The following AKIRIN2 variants were observed in gnomAD, a reference collection of about 807,000 sequenced individuals.
AKIRIN2 encodes the protein akirin 2.
Under a neutral mutation model 29.3 loss-of-function variants are expected in AKIRIN2, and 6 were observed. The observed-to-expected ratio is 0.20, with a 90% CI of 0.11 to 0.40. The LOEUF (loss-of-function observed/expected upper bound fraction) is 0.40. Among genes scored for constraint, AKIRIN2 ranks in the 10% least tolerant of loss-of-function variants. AKIRIN2 has a pLI of 1.00. For missense variants in AKIRIN2, 210 were observed against 276.1 expected (o/e 0.76, Z 1.70); for synonymous variants, 128 against 117.5 (o/e 1.09, Z -0.58).
intron 1 of AKIRIN2, among the ~76,000 whole-genome samples, chr6:87,686,556 C>T (rs76808473): frequency 0.034 from 5,172 of 152,024 alleles, 295 homozygotes; most frequent in African/African-American, 0.12. Context: ...TCCAGACCCA[C>T]AAAGCTTTAC....
intron 1 of AKIRIN2, among the ~76,000 whole-genome samples, chr6:87,687,888 AAGGCCG>A (rs1180467034): frequency 1.3e-5 from 2 of 152,218 alleles, no homozygotes; most frequent in Admixed American, 6.5e-5. Flanking sequence ...TGGCTCATGC[AAGGCCG>A]AGGCAGGAGG....
chr6:87,687,439 CAAAAA>C (rs201472497), intron 1 of AKIRIN2, among the ~76,000 whole-genome samples: 15,738 of 109,138 alleles, frequency 0.14, 1,184 homozygotes, highest in African/African-American at 0.24. Context: ...AATTCCGTTT[CAAAAA>C]AAAAAAAAAA....
intron 1 of AKIRIN2, among the ~76,000 whole-genome samples, chr6:87,690,085 A>C (rs148408037): frequency 0.034 from 5,168 of 151,958 alleles, 291 homozygotes; most frequent in African/African-American, 0.12. Context: ...TGGTGGCAGG[A>C]GCCTGTAATC....
intron 1 of AKIRIN2, 64 bp downstream of exon 1, chr6:87,701,386 A>C: frequency 6.8e-7 from 1 of 1,476,104 alleles, no homozygotes; most frequent in East Asian, 2.8e-5. Flanking sequence ...GCCGCATCCC[A>C]CACCCCAGGA....
intron 1 of AKIRIN2, among the ~76,000 whole-genome samples, chr6:87,690,262 A>T (rs1771258432): frequency 1.3e-5 from 2 of 152,116 alleles, no homozygotes; most frequent in African/African-American, 4.8e-5. Context: ...AACATTTTTT[A>T]AAAAGTGGTT....
At chr6:87,687,605 A>C (rs955073396) in intron 1 of AKIRIN2, among the ~76,000 whole-genome samples, 2 of 152,204 alleles carry the variant, frequency 1.3e-5, no homozygotes, top group African/African-American at 4.8e-5. Flanking sequence ...TGGACTATAA[A>C]GAATGAGCTG....
At chr6:87,698,373 TAAA>T (rs1318677681) in intron 1 of AKIRIN2, among the ~76,000 whole-genome samples, 1 of 136,232 alleles carries the variant, frequency 7.3e-6, no homozygotes. Context: ...GAACAATACT[TAAA>T]AAAAAAAAAA....
chr6:87,678,433 C>T (rs1187517498), intron 2 of AKIRIN2, among the ~76,000 whole-genome samples: 2 of 151,648 alleles, frequency 1.3e-5, no homozygotes, highest in Non-Finnish European at 2.9e-5. Flanking sequence ...ACCCGGGAGG[C>T]GGAGGTTTCA....
Position 87,701,943 on chromosome 6 carries a change from A to T in AKIRIN2, c.-259T>A. 2.5e-6 allele frequency: 1 copy of T among 405,396 alleles called. No homozygotes were observed. The highest frequency in any genetic ancestry group is 4.4e-6 in the Non-Finnish European group (1 of 229,632). The allele number at this position is 405,396 out of a possible 1,614,324, so 25.1% of individuals were successfully genotyped here. On this transcript the variant is annotated 5_prime_UTR_variant, in exon 1 of 5. Transcript: ENST00000257787. ...GGCAGAAGCACACGCCAGTCGCGTC[A>T]GGGGGGTTCTTCCGCCTCCTCAGGC...
intron 1 of AKIRIN2, among the ~76,000 whole-genome samples, chr6:87,682,033 G>C (rs973856803): frequency 2.0e-5 from 3 of 152,302 alleles, no homozygotes; most frequent in African/African-American, 7.2e-5. Flanking sequence ...TAATGGTCAA[G>C]GAGTCTGTGA....
At chr6:87,680,753 C>G (rs541898796) in intron 2 of AKIRIN2, among the ~76,000 whole-genome samples, 10 of 142,412 alleles carry the variant, frequency 7.0e-5, no homozygotes, top group African/African-American at 2.4e-4. Context: ...TCAAGTAGCC[C>G]TTATTCCCCG....
rs1474955333 is a variant in AKIRIN2, at chr6:87,675,304, A to C, written c.*293T>G. 3 of 448,222 alleles carry C rather than the reference A, an allele frequency of 6.7e-6. No individual in the cohort carries two copies. Among genetic ancestry groups the C allele is most frequent in the Non-Finnish European group, 1.2e-5 (3 of 249,926 alleles). The allele number at this position is 448,222 out of a possible 1,614,324, so 27.8% of individuals were successfully genotyped here. A position where few individuals can be genotyped will look rare whatever the true frequency, so the allele number is the denominator to read the frequency against. ...ACAACCAGTGAAGGGCATGTTCTAG[A>C]ATACCAGCTTTAATCCTTTTCAAAC... On this transcript the variant is annotated 3_prime_UTR_variant, in exon 5 of 5. Transcript: ENST00000257787.
chr6:87,678,841 G>A (rs985250170), intron 2 of AKIRIN2, among the ~76,000 whole-genome samples: 10 of 151,742 alleles, frequency 6.6e-5, no homozygotes, highest in South Asian at 2.1e-4. Context: ...TTCCTTTATT[G>A]AAAAAGAAAA....
At chr6:87,678,527 AAATT>A (rs1243141546) in intron 2 of AKIRIN2, among the ~76,000 whole-genome samples, 1 of 152,054 alleles carries the variant, frequency 6.6e-6, no homozygotes. Context: ...AAAAAATTAA[AAATT>A]AAATTTAAAA....
chr6:87,683,147 GA>G (rs932835419), intron 1 of AKIRIN2, among the ~76,000 whole-genome samples: 1 of 151,204 alleles, frequency 6.6e-6, no homozygotes, highest in African/African-American at 2.4e-5. Flanking sequence ...TATTTAAACT[GA>G]AAAAAAAGTG....
At chr6:87,696,403 T>C (rs573854861) in intron 1 of AKIRIN2, among the ~76,000 whole-genome samples, 1 of 151,622 alleles carries the variant, frequency 6.6e-6, no homozygotes, top group Non-Finnish European at 1.5e-5. Context: ...TTTTCCTACC[T>C]TAATAAAAAA....
rs1771459921 is a variant in AKIRIN2 at position 87,701,302 on chromosome 6, C to T, written c.235+148G>A. 5.8e-6 allele frequency: 4 copies of T among 686,736 alleles called. No homozygotes were observed. The South Asian group carries it at 9.0e-5, about 16-fold the overall frequency. The allele number at this position is 686,736 out of a possible 1,614,324, so 42.5% of individuals were successfully genotyped here. A position where few individuals can be genotyped will look rare whatever the true frequency, so the allele number is the denominator to read the frequency against. ...TATTAGGTCCTCGGGCTACGAGGAC[C>T]TAGTGAAAAACGTGGCTGCCCTACT... On this transcript the variant is annotated intron_variant, in intron 1 of 4. Coordinates refer to ENST00000257787, the MANE Select transcript of AKIRIN2 (RefSeq NM_018064.4).
intron 3 of AKIRIN2, among the ~76,000 whole-genome samples, chr6:87,676,597 A>ACACACGCACGCGCGCG (rs1491435113): frequency 0.028 from 48 of 1,734 alleles, no homozygotes; most frequent in African/African-American, 0.088. Context: ...TCTACTAAAA[A>ACACACGCACGCGCGCG]CACACACACA....
intron 2 of AKIRIN2, among the ~76,000 whole-genome samples, chr6:87,678,343 CATAA>C: frequency 1.2e-5 from 1 of 86,326 alleles, no homozygotes; most frequent in East Asian, 2.9e-4. Flanking sequence ...ACTAAAAATA[CATAA>C]AAAAATTAGC....
Sources: allele counts gnomAD v4.1 joint callset (sites outside exome capture counted in the v4.1 genomes callset), GRCh38; gene constraint gnomAD v4.1.1; transcripts MANE v1.5; gene names NCBI Gene and HGNC (gene_info 2026-07-23, HGNC 2026-07-21).